RHOJ: variants seen among roughly 807,000 people sequenced by gnomAD.
The protein encoded by RHOJ is rho-related GTP-binding protein RhoJ.
In RHOJ, 11 loss-of-function variants were observed where a neutral mutation model predicts 23.4. That is an observed-to-expected ratio of 0.47 (90% confidence interval 0.30 to 0.78). The LOEUF (loss-of-function observed/expected upper bound fraction) is 0.78, where lower values mean the gene tolerates loss of function less well. Ranked by LOEUF, RHOJ falls within the 30% of genes least tolerant of loss-of-function variation. RHOJ has a pLI of 0.08. For synonymous variants in RHOJ, 102 were observed against 102.7 expected, an observed-to-expected ratio of 0.99 and a Z score of 0.04; for missense variants, 254 against 273.4, an observed-to-expected ratio of 0.93 and a Z score of 0.50.
chr14:63,247,453 T>C (rs1357433689), intron 1 of RHOJ, among the ~76,000 whole-genome samples: 1 of 152,064 alleles, frequency 6.6e-6, no homozygotes, highest in East Asian at 1.9e-4. Context: ...TGTGTTCTAG[T>C]GAGTAGGTGA....
intron 1 of RHOJ, among the ~76,000 whole-genome samples, chr14:63,222,927 T>A (rs1471072697): frequency 2.0e-5 from 3 of 152,202 alleles, no homozygotes; most frequent in Admixed American, 2.0e-4. Flanking sequence ...TTAAAAAGCA[T>A]TTTATTTATT....
intron 1 of RHOJ, among the ~76,000 whole-genome samples, chr14:63,228,572 A>G (rs1338785000): frequency 1.3e-5 from 2 of 152,120 alleles, no homozygotes; most frequent in African/African-American, 4.8e-5. Context: ...ATAAAGTTGT[A>G]TGTGAAAAAA....
chr14:63,237,676 A>G (rs1408250435), intron 1 of RHOJ, among the ~76,000 whole-genome samples: 3 of 152,232 alleles, frequency 2.0e-5, no homozygotes, highest in African/African-American at 7.2e-5. Flanking sequence ...ATAGTATCCA[A>G]ATATGGCAGA....
At chr14:63,221,499 C>T (rs894974913) in intron 1 of RHOJ, among the ~76,000 whole-genome samples, 2 of 152,184 alleles carry the variant, frequency 1.3e-5, no homozygotes, top group African/African-American at 2.4e-5. Context: ...TGATAGCATT[C>T]TCTGACATTA....
Position 63,290,891 on chromosome 14 carries a change from G to T in RHOJ, c.512G>T (p.Cys171Phe). 2 of 1,613,114 alleles carry T rather than the reference G, an allele frequency of 1.2e-6. No homozygotes were observed. Among genetic ancestry groups the T allele is most frequent in the South Asian group, 2.2e-5 (2 of 90,918 alleles). The change falls in exon 5 of 5, where the codon TGC (cysteine) becomes TTC (phenylalanine). Residue 171 changes from cysteine (C) to phenylalanine (F), a missense_variant. By Grantham distance (205) the Cys-to-Phe change is radical (BLOSUM62 -2). Transcript: ENST00000316754. ...TTTGTGTTTAAGATCGGAGCACAGT[G>T]CTACTTGGAATGTTCAGCTCTGACT... Reference protein sequence around the residue: ...VKLAKAIGAQCYLECSALTQK... With the variant: ...VKLAKAIGAQFYLECSALTQK...
chr14:63,235,392 T>C (rs1201927965), intron 1 of RHOJ, among the ~76,000 whole-genome samples: 4 of 152,200 alleles, frequency 2.6e-5, no homozygotes, highest in Non-Finnish European at 5.9e-5. Context: ...AAGAAATTAA[T>C]GTTAATTTTC....
At chr14:63,288,222 C>T in intron 4 of RHOJ, 1 of 985,386 alleles carries the variant, frequency 1.0e-6, no homozygotes, top group Non-Finnish European at 1.2e-6. Context: ...GCTTGGGCTC[C>T]TCCCGCTCCA....
In RHOJ at chr14:63,256,259, T is replaced by C. The variant is rs552608097; in HGVS notation, c.179-12851T>C. ...TCCCTGTGTCACTTACTCCCTGCAC[T>C]ATATGCCAACCGGGGGCCGGCATCA... On this transcript the variant is annotated intron_variant, in intron 1 of 4. Coordinates refer to ENST00000316754, the MANE Select transcript of RHOJ (RefSeq NM_020663.5). 3.3e-5 allele frequency among the ~76,000 whole-genome samples: 5 copies of C among 152,318 alleles called. No homozygotes were observed. In the East Asian group the frequency reaches 9.6e-4, roughly 29 times the overall value.
chr14:63,265,821 A>G (rs1416588896), intron 1 of RHOJ, among the ~76,000 whole-genome samples: 1 of 152,238 alleles, frequency 6.6e-6, no homozygotes, highest in Admixed American at 6.5e-5. Context: ...GTGGATTTAA[A>G]CATTTCCTGA....
intron 1 of RHOJ, among the ~76,000 whole-genome samples, chr14:63,254,616 G>A (rs1895130265): frequency 6.6e-6 from 1 of 152,074 alleles, no homozygotes; most frequent in African/African-American, 2.4e-5. Context: ...AAAGAAAATT[G>A]GATAGATTTT....
rs542433257 is a variant in RHOJ, at chr14:63,220,411, A to G, written c.178+15364A>G. On this transcript the variant is annotated intron_variant, in intron 1 of 4. Coordinates refer to ENST00000316754, the MANE Select transcript of RHOJ (RefSeq NM_020663.5). ...AAACCCCCATGACACAAATTTACCT[A>G]TGTAACAAACCTGCACATGTATCCC... Among the ~76,000 whole-genome samples the G allele has an allele frequency of 3.9e-5, 6 of 152,072 alleles. No homozygotes were observed. In the East Asian group the frequency reaches 9.7e-4, roughly 25 times the overall value.
At chr14:63,237,731 C>T (rs559200736) in intron 1 of RHOJ, among the ~76,000 whole-genome samples, 1 of 152,174 alleles carries the variant, frequency 6.6e-6, no homozygotes, top group Non-Finnish European at 1.5e-5. Flanking sequence ...TTTAGCTATA[C>T]ATTTGTTTAA....
intron 1 of RHOJ, among the ~76,000 whole-genome samples, chr14:63,256,394 A>G (rs994243407): frequency 6.6e-6 from 1 of 152,168 alleles, no homozygotes; most frequent in Non-Finnish European, 1.5e-5. Context: ...CTTGTGGATC[A>G]GAGTGCACAG....
chr14:63,249,411 G>A (rs1895030105), intron 1 of RHOJ, among the ~76,000 whole-genome samples: 1 of 152,190 alleles, frequency 6.6e-6, no homozygotes, highest in Admixed American at 6.5e-5. Flanking sequence ...CAGTGATTTA[G>A]AGGTGAAACC....
intron 4 of RHOJ, 86 bp downstream of exon 4, chr14:63,283,302 T>C: frequency 8.9e-7 from 1 of 1,122,414 alleles, no homozygotes; most frequent in East Asian, 2.4e-5. Flanking sequence ...CAACACTGGG[T>C]TTTGCTTTAA....
intron 3 of RHOJ, among the ~76,000 whole-genome samples, chr14:63,282,895 G>A (rs2139665806): frequency 6.6e-6 from 1 of 152,184 alleles, no homozygotes. Context: ...CAGCTTGCAG[G>A]GTAACTGTTT....
At chr14:63,259,340 A>AC (rs11461007) in intron 1 of RHOJ, among the ~76,000 whole-genome samples, 49,372 of 152,118 alleles carry the variant, frequency 0.32, 10,787 homozygotes, top group African/African-American at 0.62. Context: ...GGAGCCAAAT[A>AC]TGCACAAGGC....
At chr14:63,208,713 G>T (rs908754480) in intron 1 of RHOJ, among the ~76,000 whole-genome samples, 4 of 151,990 alleles carry the variant, frequency 2.6e-5, no homozygotes, top group African/African-American at 9.7e-5. Context: ...TCAGTCCCTG[G>T]GTCCTCTTCT....
chr14:63,227,294 T>A (rs1894613071), intron 1 of RHOJ, among the ~76,000 whole-genome samples: 1 of 152,180 alleles, frequency 6.6e-6, no homozygotes, highest in Non-Finnish European at 1.5e-5. Context: ...CTTCAAGTAA[T>A]GGCTACAAAT....
Sources: gnomAD v4.1 joint callset for allele counts (sites outside exome capture counted in the v4.1 genomes callset) on GRCh38, gnomAD v4.1.1 for gene constraint, MANE v1.5 for transcripts, NCBI Gene and HGNC (gene_info 2026-07-23, HGNC 2026-07-21) for gene names.